Variants in ZBTB7C observed in about 807,000 individuals in gnomAD.
The protein encoded by ZBTB7C is zinc finger and BTB domain containing 7C.
ZBTB7C carries 8 observed loss-of-function variants against 25.7 expected under a neutral mutation model. The observed-to-expected ratio is 0.31, with a 90% CI of 0.18 to 0.56. ZBTB7C has a LOEUF of 0.56. ZBTB7C is among the 20% of genes least tolerant of loss of function. The probability of loss-of-function intolerance (pLI) is 0.91; values close to 1 mark genes in which losing one functional copy is unlikely to be tolerated. For missense variants in ZBTB7C, 824 were observed against 855.2 expected (o/e 0.96, Z 0.46); for synonymous variants, 394 against 369.0 (o/e 1.07, Z -0.78).
chr18:48,290,178 G>T (rs1470163690), intron 2 of ZBTB7C, among the ~76,000 whole-genome samples: 1 of 152,226 alleles, frequency 6.6e-6, no homozygotes, highest in Non-Finnish European at 1.5e-5. Context: ...GGGAAGGAAG[G>T]AGACTTAAAG....
At chr18:48,054,001 C>G (rs1279796955) in intron 3 of ZBTB7C, among the ~76,000 whole-genome samples, 1 of 152,192 alleles carries the variant, frequency 6.6e-6, no homozygotes, top group East Asian at 1.9e-4. Context: ...GTGAGGATGG[C>G]ACATGCAGAC....
chr18:48,218,790 G>A (rs911337163), intron 2 of ZBTB7C, among the ~76,000 whole-genome samples: 1 of 152,190 alleles, frequency 6.6e-6, no homozygotes, highest in Admixed American at 6.5e-5. Context: ...CCACCTACAG[G>A]CCTGCCCTGC....
intron 2 of ZBTB7C, among the ~76,000 whole-genome samples, chr18:48,216,600 A>G (rs1599120737): frequency 6.6e-6 from 1 of 152,216 alleles, no homozygotes; most frequent in African/African-American, 2.4e-5. Flanking sequence ...GCTCCTCGCC[A>G]ATTTTCCAAG....
intron 2 of ZBTB7C, among the ~76,000 whole-genome samples, chr18:48,273,892 A>T (rs60960566): frequency 0.073 from 11,160 of 152,170 alleles, 1,014 homozygotes; most frequent in African/African-American, 0.21. Flanking sequence ...TTTAAAAAAA[A>T]CAATAAGAAG....
intron 3 of ZBTB7C, among the ~76,000 whole-genome samples, chr18:48,093,436 C>CA (rs969461915): frequency 7.9e-5 from 12 of 152,266 alleles, no homozygotes; most frequent in African/African-American, 2.9e-4. Flanking sequence ...TGCTGAAATC[C>CA]AAAAAGTTTA....
At chr18:48,117,085 T>C (rs2039466115) in intron 3 of ZBTB7C, among the ~76,000 whole-genome samples, 1 of 152,148 alleles carries the variant, frequency 6.6e-6, no homozygotes, top group Non-Finnish European at 1.5e-5. Flanking sequence ...CTGTGAATGT[T>C]GGCACCTGCT....
At chr18:48,325,655 G>A (rs2046200382) in intron 2 of ZBTB7C, among the ~76,000 whole-genome samples, 1 of 152,200 alleles carries the variant, frequency 6.6e-6, no homozygotes, top group Non-Finnish European at 1.5e-5. Flanking sequence ...GCCCCAGGTT[G>A]GGAAAGTGAC....
chr18:48,370,949 A>C (rs1046045152), intron 1 of ZBTB7C, among the ~76,000 whole-genome samples: 1 of 152,106 alleles, frequency 6.6e-6, no homozygotes, highest in Non-Finnish European at 1.5e-5. Flanking sequence ...GAAATCCAGA[A>C]CCCACAAAGG....
intron 3 of ZBTB7C, among the ~76,000 whole-genome samples, chr18:48,143,486 G>T (rs2040411470): frequency 6.6e-6 from 1 of 152,170 alleles, no homozygotes; most frequent in Admixed American, 6.5e-5. Context: ...CTGTGTGCAA[G>T]CCAGGATCCC....
At chr18:48,169,350 A>G (rs996435042) in intron 3 of ZBTB7C, among the ~76,000 whole-genome samples, 1 of 152,114 alleles carries the variant, frequency 6.6e-6, no homozygotes, top group Non-Finnish European at 1.5e-5. Flanking sequence ...TAACGGTTTC[A>G]GCTCCCCAAA....
At chr18:48,124,339 A>G (rs1020115014) in intron 3 of ZBTB7C, among the ~76,000 whole-genome samples, 1 of 152,234 alleles carries the variant, frequency 6.6e-6, no homozygotes, top group Non-Finnish European at 1.5e-5. Flanking sequence ...CTGGAAGTCA[A>G]CAGCACATGC....
intron 1 of ZBTB7C, among the ~76,000 whole-genome samples, chr18:48,351,602 G>A (rs565942068): frequency 1.2e-4 from 18 of 152,322 alleles, no homozygotes; most frequent in South Asian, 6.2e-4. Context: ...GAAAAACGCC[G>A]TTTTCCTGCT....
chr18:48,079,276 G>A (rs1227665163), intron 3 of ZBTB7C, among the ~76,000 whole-genome samples: 2 of 152,188 alleles, frequency 1.3e-5, no homozygotes, highest in African/African-American at 2.4e-5. Flanking sequence ...GTCATGACTC[G>A]TTGCCCTTAT....
At chr18:48,297,228 G>GT (rs2045421084) in intron 2 of ZBTB7C, among the ~76,000 whole-genome samples, 1 of 152,116 alleles carries the variant, frequency 6.6e-6, no homozygotes, top group African/African-American at 2.4e-5. Flanking sequence ...ATTTTACATT[G>GT]TTGTTTAATT....
At chr18:48,360,380 T>C (rs900098608) in intron 1 of ZBTB7C, among the ~76,000 whole-genome samples, 1 of 152,220 alleles carries the variant, frequency 6.6e-6, no homozygotes, top group African/African-American at 2.4e-5. Flanking sequence ...GAGGTTGGGA[T>C]GGTGGTAGGC....
At chr18:48,175,741 A>G (rs1380682155) in intron 3 of ZBTB7C, among the ~76,000 whole-genome samples, 1 of 152,216 alleles carries the variant, frequency 6.6e-6, no homozygotes, top group Non-Finnish European at 1.5e-5. Context: ...CTCTTCTCAT[A>G]CCAGAAAGTA....
intron 1 of ZBTB7C, among the ~76,000 whole-genome samples, chr18:48,347,551 C>T (rs1465728964): frequency 6.6e-6 from 1 of 152,064 alleles, no homozygotes; most frequent in African/African-American, 2.4e-5. Context: ...CATGAATCCT[C>T]ACCCTGCTGC....
At chr18:48,237,567 C>G (rs192028848) in intron 2 of ZBTB7C, among the ~76,000 whole-genome samples, 82 of 152,052 alleles carry the variant, frequency 5.4e-4, no homozygotes, top group Non-Finnish European at 1.0e-3. Context: ...TCTGACAATA[C>G]TAAGTGTTGA....
intron 3 of ZBTB7C, among the ~76,000 whole-genome samples, chr18:48,126,680 G>A (rs959254716): frequency 2.6e-5 from 4 of 152,182 alleles, no homozygotes; most frequent in African/African-American, 9.7e-5. Flanking sequence ...ATCCCTCTGA[G>A]GAGAGGTGTG....
Sources: gnomAD v4.1 joint callset for allele counts (sites outside exome capture counted in the v4.1 genomes callset) on GRCh38, gnomAD v4.1.1 for gene constraint, MANE v1.5 for transcripts, NCBI Gene and HGNC (gene_info 2026-07-23, HGNC 2026-07-21) for gene names.